The following PSD3 variants were observed in gnomAD, a reference collection of about 807,000 sequenced individuals.
PSD3 encodes the protein pleckstrin and Sec7 domain containing 3, also known as PH and SEC7 domain-containing protein 3.
Under a neutral mutation model 105.5 loss-of-function variants are expected in PSD3, and 49 were observed. The ratio of observed to expected loss-of-function variants is 0.46; its 90% CI spans 0.37 to 0.59. PSD3 has a LOEUF of 0.59. Ranked by LOEUF, PSD3 falls within the 20% of genes least tolerant of loss-of-function variation. The probability of loss-of-function intolerance (pLI) is 0.00; values close to 1 mark genes in which losing one functional copy is unlikely to be tolerated. For missense variants in PSD3, 1,561 were observed against 1,263.8 expected (o/e 1.24, Z -3.57); for synonymous variants, 557 against 457.8 (o/e 1.22, Z -2.77).
At chr8:18,979,957 C>T (rs960050920) in intron 1 of PSD3, among the ~76,000 whole-genome samples, 4 of 152,110 alleles carry the variant, frequency 2.6e-5, no homozygotes, top group African/African-American at 9.7e-5. Context: ...TTAATCTTGA[C>T]AGAATTAAAT....
chr8:18,860,178 A>G (rs1452395100), intron 4 of PSD3, among the ~76,000 whole-genome samples: 1 of 151,576 alleles, frequency 6.6e-6, no homozygotes, highest in African/African-American at 2.4e-5. Context: ...GAGAGGGGGA[A>G]CAGCTGGTTT....
intron 12 of PSD3, among the ~76,000 whole-genome samples, chr8:18,592,733 G>C (rs780393360): frequency 3.3e-5 from 5 of 152,178 alleles, no homozygotes; most frequent in South Asian, 2.1e-4. Context: ...TGCCACACAA[G>C]CATATTACAT....
At chr8:18,619,510 G>A (rs1805951495) in intron 11 of PSD3, among the ~76,000 whole-genome samples, 1 of 152,104 alleles carries the variant, frequency 6.6e-6, no homozygotes, top group South Asian at 2.1e-4. Context: ...GGGTGTGGTG[G>A]TGCGTGCCTG....
chr8:18,592,545 G>A (rs1004075434), intron 12 of PSD3, among the ~76,000 whole-genome samples: 1 of 152,108 alleles, frequency 6.6e-6, no homozygotes, highest in African/African-American at 2.4e-5. Flanking sequence ...AAATTACACT[G>A]GGACCAATGA....
chr8:18,970,349 C>A (rs113547773), intron 1 of PSD3, among the ~76,000 whole-genome samples: 712 of 108,574 alleles, frequency 6.6e-3, no homozygotes, highest in South Asian at 0.01. Flanking sequence ...AAAAAAAAAA[C>A]AAAGAAAAGA....
At chr8:18,641,490 A>G (rs955700610) in intron 10 of PSD3, among the ~76,000 whole-genome samples, 1 of 152,226 alleles carries the variant, frequency 6.6e-6, no homozygotes, top group Non-Finnish European at 1.5e-5. Flanking sequence ...CTGTGTACAA[A>G]GCAGTACAGG....
intron 14 of PSD3, among the ~76,000 whole-genome samples, chr8:18,562,700 C>A (rs1489284071): frequency 6.6e-6 from 1 of 152,040 alleles, no homozygotes; most frequent in Non-Finnish European, 1.5e-5. Context: ...ACCAGCCTGG[C>A]CAACATGGTG....
intron 12 of PSD3, among the ~76,000 whole-genome samples, chr8:18,586,690 A>C (rs1374931477): frequency 6.6e-6 from 1 of 152,238 alleles, no homozygotes; most frequent in East Asian, 1.9e-4. Flanking sequence ...AATTTGATTC[A>C]TTTAATCAGG....
intron 15 of PSD3, among the ~76,000 whole-genome samples, chr8:18,541,675 T>A (rs905092980): frequency 3.9e-5 from 6 of 152,148 alleles, no homozygotes; most frequent in Non-Finnish European, 7.3e-5. Flanking sequence ...CTGGGGCTTT[T>A]TCTCTCTCTT....
intron 9 of PSD3, among the ~76,000 whole-genome samples, chr8:18,671,972 GTAAT>G (rs1483974514): frequency 6.6e-6 from 1 of 152,126 alleles, no homozygotes; most frequent in Non-Finnish European, 1.5e-5. Context: ...CTCTGAAACT[GTAAT>G]TTATCAATTT....
chr8:18,798,248 G>A (rs908043850), intron 8 of PSD3, among the ~76,000 whole-genome samples: 2 of 152,020 alleles, frequency 1.3e-5, no homozygotes, highest in African/African-American at 4.8e-5. Flanking sequence ...TGCTACCTAT[G>A]TTTACAAGCC....
chr8:18,838,572 C>T (rs370411821), intron 4 of PSD3, among the ~76,000 whole-genome samples: 69 of 152,012 alleles, frequency 4.5e-4, no homozygotes, highest in African/African-American at 1.4e-3. Flanking sequence ...GAGGCCGAGG[C>T]GGGCGGATCA....
chr8:18,845,660 G>T (rs1815025621), intron 4 of PSD3, among the ~76,000 whole-genome samples: 1 of 152,120 alleles, frequency 6.6e-6, no homozygotes, highest in African/African-American at 2.4e-5. Flanking sequence ...GAAGAGGGTG[G>T]GTGTGGTGGC....
chr8:19,008,109 G>T (rs909613849), intron 1 of PSD3, among the ~76,000 whole-genome samples: 1 of 152,206 alleles, frequency 6.6e-6, no homozygotes, highest in African/African-American at 2.4e-5. Context: ...CTCCCAAAGT[G>T]CTGGGATTAC....
chr8:18,645,372 A>G (rs1361822391), intron 10 of PSD3, among the ~76,000 whole-genome samples: 1 of 152,232 alleles, frequency 6.6e-6, no homozygotes, highest in Non-Finnish European at 1.5e-5. Context: ...CTAATAATCA[A>G]TAGCTAACAA....
intron 7 of PSD3, among the ~76,000 whole-genome samples, chr8:18,799,600 T>G (rs1002206688): frequency 6.6e-6 from 1 of 152,210 alleles, no homozygotes; most frequent in Non-Finnish European, 1.5e-5. Context: ...AGTAGATATG[T>G]AAAGCCTTCA....
intron 1 of PSD3, among the ~76,000 whole-genome samples, chr8:19,057,056 A>G (rs1216190011): frequency 6.6e-6 from 1 of 151,988 alleles, no homozygotes; most frequent in Non-Finnish European, 1.5e-5. Context: ...ATGCTACTTC[A>G]TCTCTTTCCT....
chr8:18,649,011 C>A (rs568990946), intron 10 of PSD3, among the ~76,000 whole-genome samples: 9 of 152,222 alleles, frequency 5.9e-5, no homozygotes, highest in African/African-American at 2.2e-4. Flanking sequence ...CAGACATCTG[C>A]GGCAGGGGTG....
chr8:18,535,713 T>C lies in PSD3; in HGVS notation c.*30A>G, dbSNP rs563212553. The C allele has an allele frequency of 5.2e-6, 8 of 1,544,052 alleles. No homozygotes were observed. The highest frequency in any genetic ancestry group is 4.1e-5 in the African/African-American group (3 of 73,552). On this transcript the variant is annotated 3_prime_UTR_variant, in exon 16 of 16. Transcript: ENST00000327040. ...TCTTGAAAAACCCTATTTTGCTCCA[T>C]GACCAGCACTTCCTGGCCGCAGATG...
Sources: gnomAD v4.1 joint callset for allele counts (sites outside exome capture counted in the v4.1 genomes callset) on GRCh38, gnomAD v4.1.1 for gene constraint, MANE v1.5 for transcripts, NCBI Gene and HGNC (gene_info 2026-07-23, HGNC 2026-07-21) for gene names.